The following PTPN23 variants were observed in gnomAD, a reference collection of about 807,000 sequenced individuals.
The protein encoded by PTPN23 is tyrosine-protein phosphatase non-receptor type 23.
PTPN23 carries 72 observed loss-of-function variants against 156.3 expected under a neutral mutation model. The observed-to-expected ratio is 0.46, with a 90% CI of 0.38 to 0.56. The LOEUF (loss-of-function observed/expected upper bound fraction) is 0.56, where lower values mean the gene tolerates loss of function less well. Ranked by LOEUF, PTPN23 falls within the 20% of genes least tolerant of loss-of-function variation. The probability of loss-of-function intolerance (pLI) is 0.00; values close to 1 mark genes in which losing one functional copy is unlikely to be tolerated. For missense variants in PTPN23, 1,974 were observed against 2,171.5 expected, an observed-to-expected ratio of 0.91 and a Z score of 1.81; for synonymous variants, 957 against 899.6, an observed-to-expected ratio of 1.06 and a Z score of -1.14.
Position 47,412,516 on chromosome 3 carries a change from G to A in PTPN23, c.4320G>A (p.Leu1440=), listed in dbSNP as rs1559530996. 1.9e-6 allele frequency: 3 copies of A among 1,613,166 alleles called. No homozygotes were observed. The highest frequency in any genetic ancestry group is 1.1e-5 in the South Asian group (1 of 91,042). The change falls in exon 24 of 25, where the codon CTG becomes CTA. Residue 1440 remains leucine, a splice_region_variant and synonymous_variant. Transcript: ENST00000265562. The part of the protein sequence containing the change: ...QQRKHMLQEK[L]HLRFCYEAVV... ...CCTGGCCAAATGCACCTGTGCAGCT[G>A]CACCTCAGGTTCTGCTATGAGGCAG...
At chr3:47,391,391 A>T (rs1021646112) in intron 1 of PTPN23, among the ~76,000 whole-genome samples, 1 of 152,176 alleles carries the variant, frequency 6.6e-6, no homozygotes, top group African/African-American at 2.4e-5. Context: ...CTTGGTGAAT[A>T]CCCTAACTCT....
chr3:47,410,865 G>A lies in PTPN23; in HGVS notation c.3067G>A (p.Ala1023Thr), dbSNP rs200908078. 1.5e-5 allele frequency: 23 copies of A among 1,570,784 alleles called. No individual in the cohort carries two copies. The highest frequency in any genetic ancestry group is 1.7e-4 in the Middle Eastern group (1 of 5,908). ...ACACACCCAGCTCTACCCAGGTCCC[G>A]CTCAAGACCCTCTGCCAGCCCACTC... Reference protein sequence around the residue: ...PLHTQLYPGPAQDPLPAHSGA... With the variant: ...PLHTQLYPGPTQDPLPAHSGA... Residue 1023 changes from alanine to threonine, a missense_variant, in exon 20 of 25, where the codon GCT (alanine) becomes ACT (threonine). Ala to Thr is a moderately conservative substitution (Grantham distance 58). Around this residue, in one of 4 missense-constraint regions of PTPN23, gnomAD observed 731 missense variants for 669.1 expected, o/e 1.09. Coordinates refer to ENST00000265562, the MANE Select transcript of PTPN23 (RefSeq NM_015466.4).
intron 2 of PTPN23, among the ~76,000 whole-genome samples, chr3:47,402,580 A>G (rs1479956687): frequency 6.6e-6 from 1 of 151,640 alleles, no homozygotes; most frequent in South Asian, 2.1e-4. Flanking sequence ...TCGCCCAGCC[A>G]TATCTATCTA....
chr3:47,381,206 C>G (rs374348258), intron 1 of PTPN23, 26 bp downstream of exon 1: 12 of 1,560,476 alleles, frequency 7.7e-6, no homozygotes, highest in South Asian at 7.1e-5. Context: ...ATCTTCCCCC[C>G]TATCCGCCGC....
At position 47,411,093 on chromosome 3, in the gene PTPN23, C is replaced by T. The variant is rs149563514; in HGVS notation, c.3295C>T (p.Pro1099Ser). 0.011 allele frequency: 17,177 copies of T among 1,596,924 alleles called. 126 individuals are homozygous for T. Among genetic ancestry groups the T allele is most frequent in the Non-Finnish European group, 0.013 (14,942 of 1,172,320 alleles). The change falls in exon 20 of 25, where the codon CCT becomes TCT. Residue 1099 changes from proline to serine, a missense_variant. Around this residue, in one of 4 missense-constraint regions of PTPN23, gnomAD observed 731 missense variants for 669.1 expected, o/e 1.09. Transcript: ENST00000265562. The surrounding 1 kb of genome is among the most constrained non-coding windows in gnomAD (Gnocchi z 6.3). ...ATCTCCAGGGCCTGGTCCGGTACCC[C>T]CTCGCCCCCCAGCAGCAGAACCACC... The part of the protein sequence containing the change: ...APSPGPGPVP[P>S]RPPAAEPPPC...
chr3:47,389,861 AAAG>A (rs1284798478), intron 1 of PTPN23, among the ~76,000 whole-genome samples: 1 of 149,704 alleles, frequency 6.7e-6, no homozygotes, highest in Non-Finnish European at 1.5e-5. Flanking sequence ...AAAAAAAAAA[AAAG>A]GAGTTCGAGA....
rs758600673 is a variant in PTPN23 at position 47,406,011 on chromosome 3, C to T, written c.511C>T (p.Arg171Cys). Residue 171 changes from arginine (R) to cysteine (C), a missense_variant, in exon 6 of 25, where the codon CGC becomes TGC. By Grantham distance (180) the Arg-to-Cys change is radical (BLOSUM62 -3). Around this residue, in one of 4 missense-constraint regions of PTPN23, gnomAD observed 726 missense variants for 929.5 expected, o/e 0.78. Transcript: ENST00000265562. This position sits in a 1 kb window ranked among gnomAD's most constrained non-coding sequence, Gnocchi z 5.8. ...FPQAYSVDMS[R>C]QILTLNVNLM... is the part of the protein sequence containing the mutation. ...TCAAGCCTACAGCGTCGACATGAGC[C>T]GCCAGATCCTTACGCTCAACGTCAA... 40 of 1,613,464 alleles carry T rather than the reference C, an allele frequency of 2.5e-5. No individual in the cohort carries two copies. The highest frequency in any genetic ancestry group is 6.7e-5 in the African/African-American group (5 of 74,920).
In PTPN23 at chr3:47,406,635, CG is replaced by C; in HGVS notation, c.759+27del. ...CATGTGAGGGCCTGGGGCCCCAGGG[CG>C]GGGCAGGGCGGGGCTGAGTGGCCAC... On this transcript the variant is annotated intron_variant, in intron 8 of 24. Transcript: ENST00000265562. The surrounding 1 kb of genome is among the most constrained non-coding windows in gnomAD (Gnocchi z 5.8). 3 of 1,613,690 alleles carry C rather than the reference CG, an allele frequency of 1.9e-6. No individual in the cohort carries two copies. Among genetic ancestry groups the C allele is most frequent in the Non-Finnish European group, 2.5e-6 (3 of 1,179,914 alleles).
Position 47,409,518 on chromosome 3 carries a change from C to A in PTPN23, c.1899C>A (p.Ala633=). The change falls in exon 18 of 25, where the codon GCC becomes GCA. Residue 633 remains alanine (A), a synonymous_variant. Coordinates refer to ENST00000265562, the MANE Select transcript of PTPN23 (RefSeq NM_015466.4). Reference sequence around the variant, plus strand: ...GTGTCCTCTGTGCACTGACAGAGGCCAACGTGCAGTACGCAGCCGTGCGGC... The same window carrying A: ...GTGTCCTCTGTGCACTGACAGAGGCAAACGTGCAGTACGCAGCCGTGCGGC... ...QDRVLCALTE[A]NVQYAAVRRV... is the part of the protein sequence containing the mutation. 1 of 1,614,102 alleles carries A rather than the reference C, an allele frequency of 6.2e-7. No individual in the cohort carries two copies. Among genetic ancestry groups the A allele is most frequent in the East Asian group, 2.2e-5 (1 of 44,880 alleles).
chr3:47,401,560 G>A (rs1336377765), intron 2 of PTPN23, among the ~76,000 whole-genome samples: 1 of 152,182 alleles, frequency 6.6e-6, no homozygotes, highest in Non-Finnish European at 1.5e-5. Flanking sequence ...GAAAAAAACT[G>A]TGTGGCTAGC....
intron 1 of PTPN23, among the ~76,000 whole-genome samples, chr3:47,385,303 C>G (rs755823297): frequency 6.6e-6 from 1 of 152,150 alleles, no homozygotes; most frequent in African/African-American, 2.4e-5. Flanking sequence ...TGAGCTGTTA[C>G]GTTCATCCCT....
chr3:47,412,050 A>G, intron 21 of PTPN23, 44 bp from the exon 22 acceptor site: 1 of 1,611,018 alleles, frequency 6.2e-7, no homozygotes, highest in Non-Finnish European at 8.5e-7. Flanking sequence ...GCCTCAGGTC[A>G]GGCCTGGCTC....
At chr3:47,383,040 C>A (rs1704581801) in intron 1 of PTPN23, among the ~76,000 whole-genome samples, 2 of 151,874 alleles carry the variant, frequency 1.3e-5, no homozygotes, top group African/African-American at 4.8e-5. Flanking sequence ...TTTTTGGAGA[C>A]GGAGTCTTGG....
At chr3:47,404,608 G>A (rs746681366) in intron 2 of PTPN23, 44 bp from the exon 3 acceptor site, 1 of 1,606,998 alleles carries the variant, frequency 6.2e-7, no homozygotes, top group South Asian at 1.1e-5. Flanking sequence ...CGTGTCCACT[G>A]CCCCATATGA....
chr3:47,410,648 G>T lies in PTPN23; in HGVS notation c.2850G>T (p.Arg950Ser), dbSNP rs757148865. The stretch of plus-strand genomic sequence containing the variant: ...TCCCCGCAGGTTTTCCAGCCCCAAG[G>T]ATTGGGCCCCAGCCCCAGCCCCATC... The part of the protein sequence containing the change: ...SGIPAGFPAP[R>S]IGPQPQPHPQ... The change falls in exon 20 of 25, where the codon AGG becomes AGT. Residue 950 changes from arginine (R) to serine (S), a missense_variant. Physicochemically the swap from Arg to Ser is moderately radical, Grantham distance 110. Coordinates refer to ENST00000265562, the MANE Select transcript of PTPN23 (RefSeq NM_015466.4). The T allele has an allele frequency of 1.9e-6, 3 of 1,611,772 alleles. No individual in the cohort carries two copies. Among genetic ancestry groups the T allele is most frequent in the Non-Finnish European group, 2.5e-6 (3 of 1,179,402 alleles).
chr3:47,381,250 C>T, intron 1 of PTPN23, 70 bp downstream of exon 1: 2 of 1,537,592 alleles, frequency 1.3e-6, no homozygotes, highest in Non-Finnish European at 1.8e-6. Context: ...GTGACGCCCC[C>T]CTGCGCGCCC....
chr3:47,411,191 TCA>T lies in PTPN23; in HGVS notation c.3394_3395del (p.Gln1132ValfsTer18). 4 of 1,603,958 alleles carry T rather than the reference TCA, an allele frequency of 2.5e-6. No individual in the cohort carries two copies. Among genetic ancestry groups the T allele is most frequent in the Non-Finnish European group, 3.4e-6 (4 of 1,177,720 alleles). On this transcript the variant is annotated frameshift_variant, in exon 20 of 25. Coordinates refer to ENST00000265562, the MANE Select transcript of PTPN23 (RefSeq NM_015466.4). LOFTEE classifies it high-confidence loss of function. This position sits in a 1 kb window ranked among gnomAD's most constrained non-coding sequence, Gnocchi z 6.3. Reference protein sequence around the residue: ...SSPESQHGGTQSPGGGQPLLQ... With the variant: ...SSPESQHGGTXSPGGGQPLLQ... ...GCCCGGAGAGCCAGCATGGCGGCAC[TCA>T]GTCTCCTGGGGGTGGGCAGCCCCTG...
At chr3:47,391,865 G>A (rs1302317480) in intron 1 of PTPN23, among the ~76,000 whole-genome samples, 2 of 152,014 alleles carry the variant, frequency 1.3e-5, no homozygotes, top group Admixed American at 1.3e-4. Flanking sequence ...TCATAGCTTA[G>A]GCCACATTTT....
At position 47,411,321 on chromosome 3, in the gene PTPN23, C is replaced by G. The variant is rs1705283085; in HGVS notation, c.3523C>G (p.Gln1175Glu). Residue 1175 changes from glutamine to glutamate, a missense_variant, in exon 20 of 25, where the codon CAG (glutamine) becomes GAG (glutamate). Physicochemically the swap from Gln to Glu is conservative, Grantham distance 29 (BLOSUM62 2). Transcript: ENST00000265562. This position sits in a 1 kb window ranked among gnomAD's most constrained non-coding sequence, Gnocchi z 6.3. ...GCATCCTGAGAGGCTGCGGCAGTTG[C>G]AGCAGGAGCTGGAGGCCTTTCGGGG... is the stretch of plus-strand genomic sequence containing the variant. ...YEHPERLRQL[Q>E]QELEAFRGQL... 1.2e-6 allele frequency: 2 copies of G among 1,612,738 alleles called. No homozygotes were observed. Among genetic ancestry groups the G allele is most frequent in the African/African-American group, 2.7e-5 (2 of 75,056 alleles).
Sources: allele counts gnomAD v4.1 joint callset (sites outside exome capture counted in the v4.1 genomes callset), GRCh38; gene constraint gnomAD v4.1.1; regional missense constraint gnomAD v4.1.1; non-coding constraint Gnocchi (gnomAD v3.1); transcripts MANE v1.5; gene names NCBI Gene and HGNC (gene_info 2026-07-23, HGNC 2026-07-21).